ZNF804B: variants seen among roughly 807,000 people sequenced by gnomAD.
ZNF804B encodes zinc finger 804B.
Under a neutral mutation model 101.4 loss-of-function variants are expected in ZNF804B, and 80 were observed. The observed-to-expected ratio is 0.79, with a 90% CI of 0.66 to 0.95. The LOEUF (loss-of-function observed/expected upper bound fraction) is 0.95, where lower values mean the gene tolerates loss of function less well. ZNF804B is among the 40% of genes least tolerant of loss of function. The pLI is 0.00. For synonymous variants in ZNF804B, 622 were observed against 558.8 expected, an observed-to-expected ratio of 1.11 and a Z score of -1.59; for missense variants, 1,673 against 1,561.9, an observed-to-expected ratio of 1.07 and a Z score of -1.20.
intron 1 of ZNF804B, among the ~76,000 whole-genome samples, chr7:88,880,256 T>C (rs1034910599): frequency 2.0e-5 from 3 of 152,214 alleles, no homozygotes; most frequent in Non-Finnish European, 2.9e-5. Context: ...TTGTACAGAA[T>C]CTGCAGTTCA....
chr7:89,197,533 A>G (rs1212091387), intron 1 of ZNF804B, among the ~76,000 whole-genome samples: 1 of 151,798 alleles, frequency 6.6e-6, no homozygotes, highest in Non-Finnish European at 1.5e-5. Context: ...TTTGATTATA[A>G]TATTTTGTAT....
chr7:88,788,676 CAACATAGTTGTAT>C (rs1311647889), intron 1 of ZNF804B, among the ~76,000 whole-genome samples: 1 of 152,048 alleles, frequency 6.6e-6, no homozygotes, highest in Non-Finnish European at 1.5e-5. Context: ...GGAATGCAAA[CAACATAGTTGTAT>C]AACACATATT....
At chr7:89,311,641 C>T (rs183016982) in intron 2 of ZNF804B, among the ~76,000 whole-genome samples, 3 of 152,268 alleles carry the variant, frequency 2.0e-5, no homozygotes, top group East Asian at 1.9e-4. Context: ...TATTATTGCA[C>T]TATCACATGT....
intron 2 of ZNF804B, among the ~76,000 whole-genome samples, chr7:89,302,184 A>G: frequency 6.6e-6 from 1 of 151,906 alleles, no homozygotes; most frequent in East Asian, 1.9e-4. Flanking sequence ...GATTGTGTGT[A>G]TACCAAATAT....
intron 1 of ZNF804B, among the ~76,000 whole-genome samples, chr7:88,985,982 A>G (rs1469246536): frequency 6.6e-6 from 1 of 152,134 alleles, no homozygotes; most frequent in African/African-American, 2.4e-5. Flanking sequence ...ACATGCCTCA[A>G]ATATTTGCAC....
At chr7:88,957,672 A>G (rs963732827) in intron 1 of ZNF804B, among the ~76,000 whole-genome samples, 1 of 151,290 alleles carries the variant, frequency 6.6e-6, no homozygotes, top group Non-Finnish European at 1.5e-5. Flanking sequence ...GGTGGATGAG[A>G]TTTTGAGAAA....
chr7:88,990,194 A>G, intron 1 of ZNF804B, among the ~76,000 whole-genome samples: 1 of 151,984 alleles, frequency 6.6e-6, no homozygotes, highest in East Asian at 1.9e-4. Flanking sequence ...TAAAAGCTTG[A>G]TGCTTATAAG....
At chr7:89,094,580 C>A (rs958795659) in intron 1 of ZNF804B, among the ~76,000 whole-genome samples, 1 of 152,060 alleles carries the variant, frequency 6.6e-6, no homozygotes, top group Admixed American at 6.6e-5. Flanking sequence ...ATACGTTAGT[C>A]GCTGAGATGC....
chr7:89,014,239 C>T (rs1319331586), intron 1 of ZNF804B, among the ~76,000 whole-genome samples: 1 of 152,078 alleles, frequency 6.6e-6, no homozygotes, highest in East Asian at 1.9e-4. Flanking sequence ...TGATAATAGC[C>T]ATTCTAACTG....
rs149497158 is a variant in ZNF804B, at chr7:89,197,558, T to C, written c.109-20597T>C. Among the ~76,000 whole-genome samples, 135 of 151,998 alleles carry C rather than the reference T, an allele frequency of 8.9e-4. 1 individual carries two copies. Among genetic ancestry groups the C allele is most frequent in the African/African-American group, 2.9e-3 (121 of 41,540 alleles). ...ATATTTTGTATATACTATAAGAGTT[T>C]TCATATTATCTACTTTTTTGTAACT... On this transcript the variant is annotated intron_variant, in intron 1 of 3. Coordinates refer to ENST00000333190, the MANE Select transcript of ZNF804B (RefSeq NM_181646.5).
chr7:88,841,376 A>G (rs949108972), intron 1 of ZNF804B, among the ~76,000 whole-genome samples: 2 of 152,196 alleles, frequency 1.3e-5, no homozygotes, highest in African/African-American at 4.8e-5. Context: ...TGGGCAATCA[A>G]TCTATTAAGT....
intron 2 of ZNF804B, among the ~76,000 whole-genome samples, chr7:89,222,473 G>A (rs1325986926): frequency 6.6e-6 from 1 of 151,826 alleles, no homozygotes; most frequent in Non-Finnish European, 1.5e-5. Flanking sequence ...TCTTTTCCTA[G>A]GAAATCTTTA....
intron 1 of ZNF804B, among the ~76,000 whole-genome samples, chr7:89,175,318 A>G (rs888153091): frequency 6.6e-6 from 1 of 152,026 alleles, no homozygotes; most frequent in Admixed American, 6.6e-5. Flanking sequence ...TCTCAGCACC[A>G]TTTATTGAAG....
intron 2 of ZNF804B, among the ~76,000 whole-genome samples, chr7:89,280,426 A>G (rs1790072571): frequency 6.6e-6 from 1 of 151,936 alleles, no homozygotes; most frequent in Non-Finnish European, 1.5e-5. Context: ...AACTGAAGGA[A>G]ATAGAGACAC....
intron 1 of ZNF804B, among the ~76,000 whole-genome samples, chr7:89,118,329 A>G (rs943881704): frequency 5.3e-5 from 8 of 152,126 alleles, no homozygotes; most frequent in African/African-American, 1.7e-4. Context: ...ATGCAGCACT[A>G]TCTTAAGTAA....
chr7:89,054,621 T>G (rs1179693272), intron 1 of ZNF804B, among the ~76,000 whole-genome samples: 1 of 152,028 alleles, frequency 6.6e-6, no homozygotes, highest in Admixed American at 6.6e-5. Context: ...ATTTTTGTTA[T>G]CTGGCATAAA....
At chr7:89,012,721 A>G (rs1396410081) in intron 1 of ZNF804B, among the ~76,000 whole-genome samples, 2 of 152,108 alleles carry the variant, frequency 1.3e-5, no homozygotes, top group Non-Finnish European at 2.9e-5. Context: ...TTCTTGTCTT[A>G]TTCTGAGCCC....
At chr7:88,781,384 A>G (rs1391774900) in intron 1 of ZNF804B, among the ~76,000 whole-genome samples, 2 of 152,136 alleles carry the variant, frequency 1.3e-5, no homozygotes, top group East Asian at 1.9e-4. Flanking sequence ...TTGCTAAAAC[A>G]TGTTCTAGAG....
At chr7:88,999,299 A>T (rs1232511104) in intron 1 of ZNF804B, among the ~76,000 whole-genome samples, 1 of 152,034 alleles carries the variant, frequency 6.6e-6, no homozygotes, top group Non-Finnish European at 1.5e-5. Flanking sequence ...GTCTTATATC[A>T]GTACTATATA....
Sources: gnomAD v4.1 joint callset for allele counts (sites outside exome capture counted in the v4.1 genomes callset) on GRCh38, gnomAD v4.1.1 for gene constraint, MANE v1.5 for transcripts, NCBI Gene and HGNC (gene_info 2026-07-23, HGNC 2026-07-21) for gene names.